Variants in CACNA2D3 observed in about 807,000 individuals in gnomAD.
CACNA2D3 encodes the protein voltage-dependent calcium channel subunit alpha-2/delta-3.
A neutral mutation model predicts 160.6 loss-of-function variants in CACNA2D3; 60 were observed. That is an observed-to-expected ratio of 0.37 (90% CI 0.30 to 0.46). The LOEUF (loss-of-function observed/expected upper bound fraction) is 0.46. CACNA2D3 is among the 20% of genes least tolerant of loss of function. The pLI, the probability that CACNA2D3 is intolerant of heterozygous loss-of-function variation, is 1.00. For missense variants in CACNA2D3, 1,205 were observed against 1,365.0 expected (o/e 0.88, Z 1.85); for synonymous variants, 558 against 492.9 (o/e 1.13, Z -1.75).
rs1307949756 is a variant in CACNA2D3 at position 54,458,227 on chromosome 3, C to G, written c.382-45265C>G. 2.0e-5 allele frequency among the ~76,000 whole-genome samples: 3 copies of G among 152,086 alleles called. No individual in the cohort carries two copies. In the East Asian group the frequency reaches 5.8e-4, roughly 29 times the overall value. ...TGTAGTGATAATGTTTGATTCTTTT[C>G]TCTTACTTCTATGTGTATTTGCTCC... On this transcript the variant is annotated intron_variant, in intron 4 of 37. Coordinates refer to ENST00000474759, the MANE Select transcript of CACNA2D3 (RefSeq NM_018398.3).
chr3:54,646,208 T>C (rs181496247), intron 11 of CACNA2D3, among the ~76,000 whole-genome samples: 997 of 81,064 alleles, frequency 0.012, 64 homozygotes, highest in African/African-American at 0.052. Context: ...CCTTCCTTCC[T>C]TCCTTCCTTC....
intron 35 of CACNA2D3, among the ~76,000 whole-genome samples, chr3:55,068,123 GC>G (rs1463631241): frequency 3.2e-4 from 49 of 152,326 alleles, no homozygotes; most frequent in East Asian, 2.5e-3. Context: ...CTGGAACAGG[GC>G]CTAAGCAGGC....
chr3:54,132,715 A>T (rs896348190), intron 2 of CACNA2D3, among the ~76,000 whole-genome samples: 26 of 152,240 alleles, frequency 1.7e-4, no homozygotes, highest in Admixed American at 6.5e-5. Context: ...TTAAAAATCT[A>T]CTTTTAAGAG....
At chr3:54,441,196 G>A (rs564221892) in intron 4 of CACNA2D3, among the ~76,000 whole-genome samples, 329 of 152,260 alleles carry the variant, frequency 2.2e-3, no homozygotes, top group Non-Finnish European at 3.3e-3. Flanking sequence ...GTGTGAGATG[G>A]TATCTCATTG....
chr3:54,560,690 AG>A (rs1702310822), intron 5 of CACNA2D3, among the ~76,000 whole-genome samples: 1 of 152,164 alleles, frequency 6.6e-6, no homozygotes, highest in African/African-American at 2.4e-5. Context: ...GTTGTATTCC[AG>A]GGTTTTTATA....
chr3:54,677,025 C>T (rs1312952627), intron 11 of CACNA2D3, among the ~76,000 whole-genome samples: 2 of 152,248 alleles, frequency 1.3e-5, no homozygotes, highest in African/African-American at 4.8e-5. Context: ...TGATGTGTGG[C>T]ATTTGAGATT....
At chr3:54,417,840 G>A (rs1413000264) in intron 4 of CACNA2D3, among the ~76,000 whole-genome samples, 1 of 151,934 alleles carries the variant, frequency 6.6e-6, no homozygotes, top group Non-Finnish European at 1.5e-5. Context: ...AGGCTGGAGT[G>A]CAGTGGTGTG....
intron 8 of CACNA2D3, among the ~76,000 whole-genome samples, chr3:54,571,445 G>C (rs865894816): frequency 1.5e-4 from 22 of 151,310 alleles, no homozygotes; most frequent in Admixed American, 2.6e-4. Context: ...CAGATGGTTG[G>C]GGGGGGTCTT....
At chr3:54,352,210 T>A (rs1575410822) in intron 3 of CACNA2D3, among the ~76,000 whole-genome samples, 1 of 152,176 alleles carries the variant, frequency 6.6e-6, no homozygotes, top group East Asian at 1.9e-4. Flanking sequence ...TCTCTGCCCA[T>A]CACTGTGCAA....
chr3:54,491,932 A>T (rs946702682), intron 4 of CACNA2D3, among the ~76,000 whole-genome samples: 3 of 152,312 alleles, frequency 2.0e-5, no homozygotes, highest in Admixed American at 1.3e-4. Context: ...TGGTTGAGAT[A>T]TAGACCTGGA....
intron 17 of CACNA2D3, among the ~76,000 whole-genome samples, chr3:54,854,693 G>C (rs1200949525): frequency 6.6e-6 from 1 of 152,114 alleles, no homozygotes; most frequent in Admixed American, 6.5e-5. Flanking sequence ...TGCCTCGTGC[G>C]TGGAGTGCTC....
intron 4 of CACNA2D3, among the ~76,000 whole-genome samples, chr3:54,412,742 C>G (rs963628816): frequency 1.3e-5 from 2 of 150,512 alleles, no homozygotes; most frequent in African/African-American, 4.9e-5. Flanking sequence ...TGTTGTTGTT[C>G]ATTTCTTTTC....
intron 6 of CACNA2D3, among the ~76,000 whole-genome samples, chr3:54,568,626 C>G (rs1702446414): frequency 1.3e-5 from 2 of 152,280 alleles, no homozygotes; most frequent in Middle Eastern, 3.4e-3. Context: ...ATTCTTGTCC[C>G]TTAGTGTGCA....
Position 55,009,402 on chromosome 3 carries a change from T to C in CACNA2D3, c.2834T>C (p.Phe945Ser). 6.2e-7 allele frequency: 1 copy of C among 1,613,892 alleles called. No individual in the cohort carries two copies. Among genetic ancestry groups the C allele is most frequent in the South Asian group, 1.1e-5 (1 of 91,084 alleles). The change falls in exon 34 of 38, where the codon TTT (phenylalanine) becomes TCT (serine). Residue 945 changes from phenylalanine (F) to serine (S), a missense_variant. Phe to Ser is a radical substitution (Grantham distance 155). Around this residue, in one of 3 missense-constraint regions of CACNA2D3, gnomAD observed 911 missense variants for 1,002.2 expected, o/e 0.91. Coordinates refer to ENST00000474759, the MANE Select transcript of CACNA2D3 (RefSeq NM_018398.3). ...MTELVLFLVE[F>S]NLCSWWHSDM... ...GATCTGTTTAGGTTCCTGGTGGAAT[T>C]TAACCTCTGCAGTTGGTGGCACTCC...
chr3:54,731,567 G>A (rs1294632317), intron 11 of CACNA2D3, among the ~76,000 whole-genome samples: 1 of 152,072 alleles, frequency 6.6e-6, no homozygotes, highest in Admixed American at 6.6e-5. Flanking sequence ...ATTTGGTCCA[G>A]AACATGTCTG....
intron 11 of CACNA2D3, among the ~76,000 whole-genome samples, chr3:54,728,351 A>C (rs1270769543): frequency 6.6e-6 from 1 of 152,186 alleles, no homozygotes; most frequent in African/African-American, 2.4e-5. Flanking sequence ...GGTAGTGTCT[A>C]ATCTTCTATT....
At chr3:54,735,646 C>T (rs1220138054) in intron 11 of CACNA2D3, among the ~76,000 whole-genome samples, 2 of 152,032 alleles carry the variant, frequency 1.3e-5, no homozygotes, top group Non-Finnish European at 2.9e-5. Flanking sequence ...TATGCTTCTA[C>T]TCTTAAGCAT....
intron 11 of CACNA2D3, among the ~76,000 whole-genome samples, chr3:54,643,127 C>CTA (rs1193951350): frequency 1.5e-4 from 3 of 20,434 alleles, no homozygotes; most frequent in African/African-American, 6.4e-4. Flanking sequence ...GTTATCCTGA[C>CTA]TGTCTATAGG....
chr3:54,566,830 C>T lies in CACNA2D3; in HGVS notation c.677-2965C>T, dbSNP rs568894275. On this transcript the variant is annotated intron_variant, in intron 6 of 37. Transcript: ENST00000474759. ...GAAGGTGAAAGCTGGTTCATAGCTA[C>T]AGCCACGATGAGGGAGCTGAACAGC... 7.2e-5 allele frequency among the ~76,000 whole-genome samples: 11 copies of T among 152,284 alleles called. No individual in the cohort carries two copies. In the South Asian group the frequency reaches 2.3e-3, roughly 32 times the overall value.
Sources: allele counts gnomAD v4.1 joint callset (sites outside exome capture counted in the v4.1 genomes callset), GRCh38; gene constraint gnomAD v4.1.1; regional missense constraint gnomAD v4.1.1; transcripts MANE v1.5; gene names NCBI Gene and HGNC (gene_info 2026-07-23, HGNC 2026-07-21).